SETD7: variants seen among roughly 807,000 people sequenced by gnomAD.
The protein encoded by SETD7 is SET domain containing 7, histone lysine methyltransferase, also known as histone-lysine N-methyltransferase SETD7.
In SETD7, 16 loss-of-function variants were observed where a neutral mutation model predicts 41.8. That is an observed-to-expected ratio of 0.38 (90% confidence interval 0.26 to 0.58). The LOEUF (loss-of-function observed/expected upper bound fraction) is 0.58. SETD7 is among the 20% of genes least tolerant of loss of function. The pLI is 0.64. For synonymous variants in SETD7, 163 were observed against 169.7 expected, an observed-to-expected ratio of 0.96 and a Z score of 0.31; for missense variants, 346 against 459.7, an observed-to-expected ratio of 0.75 and a Z score of 2.26.
rs891690856 is a variant in SETD7 at position 139,511,612 on chromosome 4, G to A, written c.*51C>T. ...TGTCCCATTGTCAGATAAACGTAGT[G>A]CATAGATCCAAGTTTCTATTCCAGG... On this transcript the variant is annotated 3_prime_UTR_variant, in exon 8 of 8. Coordinates refer to ENST00000274031, the MANE Select transcript of SETD7 (RefSeq NM_030648.4). 5 of 1,611,310 alleles carry A rather than the reference G, an allele frequency of 3.1e-6. No homozygotes were observed. The highest frequency in any genetic ancestry group is 4.2e-6 in the Non-Finnish European group (5 of 1,179,526).
intron 7 of SETD7, among the ~76,000 whole-genome samples, chr4:139,515,951 G>C (rs1402548709): frequency 6.6e-6 from 1 of 152,216 alleles, no homozygotes; most frequent in Non-Finnish European, 1.5e-5. Flanking sequence ...AAGCTAAGGA[G>C]AGCAACGATG....
intron 7 of SETD7, among the ~76,000 whole-genome samples, chr4:139,497,873 A>C (rs761622739): frequency 1.3e-5 from 2 of 152,170 alleles, no homozygotes; most frequent in Non-Finnish European, 2.9e-5. Context: ...GATTTTTAAA[A>C]TGTGTTAAAT....
At chr4:139,534,707 C>T (rs1727588632) in intron 2 of SETD7, among the ~76,000 whole-genome samples, 1 of 152,132 alleles carries the variant, frequency 6.6e-6, no homozygotes, top group African/African-American at 2.4e-5. Flanking sequence ...TTGTGTGAGG[C>T]TCTAGAGCGG....
intron 6 of SETD7, 107 bp downstream of exon 6, chr4:139,520,170 C>A (rs528985891): frequency 1.2e-5 from 7 of 560,976 alleles, no homozygotes; most frequent in Non-Finnish European, 2.2e-5. Flanking sequence ...TACAAAAAAG[C>A]CAATCTGCTT....
chr4:139,493,024 C>CTGTGT (rs879403642), downstream of SETD7, among the ~76,000 whole-genome samples: 736 of 152,304 alleles, frequency 4.8e-3, 20 homozygotes, highest in Admixed American at 0.039. Flanking sequence ...ACAAGCATCC[C>CTGTGT]TTATGTTTCA....
intron 1 of SETD7, among the ~76,000 whole-genome samples, chr4:139,551,001 T>C (rs1728094787): frequency 6.6e-6 from 1 of 152,188 alleles, no homozygotes; most frequent in Admixed American, 6.5e-5. Flanking sequence ...TTGAACACAC[T>C]CTTCCTTGGT....
intron 7 of SETD7, among the ~76,000 whole-genome samples, chr4:139,517,448 C>T (rs1350955053): frequency 1.4e-5 from 2 of 146,188 alleles, no homozygotes; most frequent in African/African-American, 5.4e-5. Context: ...GCACTCCAGC[C>T]TGGGCATCAA....
downstream of SETD7, among the ~76,000 whole-genome samples, chr4:139,504,701 G>A (rs1156293149): frequency 1.3e-5 from 2 of 152,066 alleles, no homozygotes; most frequent in African/African-American, 4.8e-5. Context: ...AAACCCAAAG[G>A]CAGATATTGG....
downstream of SETD7, among the ~76,000 whole-genome samples, chr4:139,504,731 G>C (rs1726661481): frequency 6.6e-6 from 1 of 152,142 alleles, no homozygotes; most frequent in African/African-American, 2.4e-5. Flanking sequence ...CATTAGTATA[G>C]CTGGGATGGT....
At chr4:139,512,389 T>A (rs755353244) in intron 7 of SETD7, among the ~76,000 whole-genome samples, 2 of 152,232 alleles carry the variant, frequency 1.3e-5, no homozygotes, top group Non-Finnish European at 2.9e-5. Flanking sequence ...TTTTCTAGCA[T>A]GAAAGTAGAT....
rs906072943 is a variant in SETD7 at position 139,555,246 on chromosome 4, G to A, written c.40+852C>T. On this transcript the variant is annotated intron_variant, in intron 1 of 7. Transcript: ENST00000274031. This position sits in a 1 kb window ranked among gnomAD's most constrained non-coding sequence, Gnocchi z 4.0. Reference sequence around the variant, plus strand: ...AAAGTGGCGAGAAAAGTCGGGGGAGGGGCGGTAGAAGAGAAGGGGCGGAGA... The same window carrying A: ...AAAGTGGCGAGAAAAGTCGGGGGAGAGGCGGTAGAAGAGAAGGGGCGGAGA... Among the ~76,000 whole-genome samples, 1 of 151,870 alleles carries A rather than the reference G, an allele frequency of 6.6e-6. No homozygotes were observed. The highest frequency in any genetic ancestry group is 2.4e-5 in the African/African-American group (1 of 41,348).
At chr4:139,522,613 T>C (rs939598933) in intron 5 of SETD7, among the ~76,000 whole-genome samples, 5 of 152,194 alleles carry the variant, frequency 3.3e-5, no homozygotes, top group Admixed American at 3.3e-4. Flanking sequence ...GGAGGCATCC[T>C]GTGTGCACAG....
At chr4:139,522,076 C>T (rs773841933) in intron 5 of SETD7, among the ~76,000 whole-genome samples, 9 of 152,202 alleles carry the variant, frequency 5.9e-5, no homozygotes, top group Non-Finnish European at 1.3e-4. Flanking sequence ...AAGACTAACA[C>T]GTATGGCTAT....
At position 139,555,250 on chromosome 4, in the gene SETD7, G is replaced by A. The variant is rs938815647; in HGVS notation, c.40+848C>T. ...TGGCGAGAAAAGTCGGGGGAGGGGC[G>A]GTAGAAGAGAAGGGGCGGAGAAACA... On this transcript the variant is annotated intron_variant, in intron 1 of 7. Coordinates refer to ENST00000274031, the MANE Select transcript of SETD7 (RefSeq NM_030648.4). This position sits in a 1 kb window ranked among gnomAD's most constrained non-coding sequence, Gnocchi z 4.0. 3.3e-5 allele frequency among the ~76,000 whole-genome samples: 5 copies of A among 151,482 alleles called. No homozygotes were observed. Among genetic ancestry groups the A allele is most frequent in the African/African-American group, 9.7e-5 (4 of 41,184 alleles).
At position 139,511,539 on chromosome 4, in the gene SETD7, T is replaced by G. The variant is rs979136315; in HGVS notation, c.*124A>C. 81 of 1,555,936 alleles carry G rather than the reference T, an allele frequency of 5.2e-5. 1 individual carries two copies. The Admixed American group carries it at 1.7e-3, about 32-fold the overall frequency. On this transcript the variant is annotated 3_prime_UTR_variant, in exon 8 of 8. Coordinates refer to ENST00000274031, the MANE Select transcript of SETD7 (RefSeq NM_030648.4). ...AGTTAGTATGCGAGAAAGTCGTTGC[T>G]AACGCATGGTGAGAGGATGTGACGT...
In SETD7 at chr4:139,509,537, C is replaced by T. The variant is rs545754037; in HGVS notation, c.*2126G>A. ...ATGCTATCACTCTCAGGAATGAAAT[C>T]ATTCAGAGCATAGCTGCATCGGGGG... On this transcript the variant is annotated 3_prime_UTR_variant, in exon 8 of 8. Transcript: ENST00000274031. 4.1e-4 allele frequency: 80 copies of T among 194,884 alleles called. No individual in the cohort carries two copies. Among genetic ancestry groups the T allele is most frequent in the African/African-American group, 1.9e-3 (79 of 42,330 alleles). 12.1% of individuals were successfully genotyped at this position (194,884 alleles called of 1,614,324 possible). A position where few individuals can be genotyped will look rare whatever the true frequency, so the allele number is the denominator to read the frequency against.
intron 5 of SETD7, 93 bp from the exon 6 acceptor site, chr4:139,520,487 C>A: frequency 1.6e-6 from 1 of 635,566 alleles, no homozygotes; most frequent in Non-Finnish European, 2.6e-6. Flanking sequence ...CTACTGATTC[C>A]AAAATGTCAA....
At chr4:139,519,313 T>C (rs1248309794) in intron 6 of SETD7, among the ~76,000 whole-genome samples, 20 of 152,270 alleles carry the variant, frequency 1.3e-4, no homozygotes, top group Non-Finnish European at 8.8e-5. Flanking sequence ...TTTGAAATCC[T>C]ACTTGAACTC....
chr4:139,518,015 C>A lies in SETD7; in HGVS notation c.790G>T (p.Gly264Trp), dbSNP rs758722592. 11 of 1,613,704 alleles carry A rather than the reference C, an allele frequency of 6.8e-6. No individual in the cohort carries two copies. Among genetic ancestry groups the A allele is most frequent in the Non-Finnish European group, 9.3e-6 (11 of 1,179,844 alleles). ...TCTTCATCAAGGGAGAGGGTGTTCCCATTAAGGGCCCAGTCCCTGCTGTCA... is the reference window on the plus strand; with the variant it reads ...TCTTCATCAAGGGAGAGGGTGTTCCAATTAAGGGCCCAGTCCCTGCTGTCA... ...EVDSRDWALN[G>W]NTLSLDEETV... is the part of the protein sequence containing the mutation. Residue 264 changes from glycine to tryptophan, a missense_variant, in exon 7 of 8, where the codon GGG becomes TGG. Gly to Trp is a radical substitution (Grantham distance 184). This residue lies in a region of SETD7 where 266 missense variants were observed against 377.0 expected (regional missense o/e 0.71). Transcript: ENST00000274031.
Sources: gnomAD v4.1 joint callset for allele counts (sites outside exome capture counted in the v4.1 genomes callset) on GRCh38, gnomAD v4.1.1 for gene constraint, gnomAD v4.1.1 regional missense constraint, Gnocchi (gnomAD v3.1) non-coding constraint, MANE v1.5 for transcripts, NCBI Gene and HGNC (gene_info 2026-07-23, HGNC 2026-07-21) for gene names.